Variants in SMAD3 observed in about 807,000 individuals in gnomAD.
SMAD3 encodes MAD homolog 3.
Under a neutral mutation model 51.8 loss-of-function variants are expected in SMAD3, and 12 were observed. That is an observed-to-expected ratio of 0.23 (90% CI 0.15 to 0.38). SMAD3 has a LOEUF of 0.38. Ranked by LOEUF, SMAD3 falls within the 10% of genes least tolerant of loss-of-function variation. The pLI, the probability that SMAD3 is intolerant of heterozygous loss-of-function variation, is 1.00. For synonymous variants in SMAD3, 238 were observed against 227.7 expected (o/e 1.05, Z -0.41); for missense variants, 294 against 565.6 (o/e 0.52, Z 4.87).
intron 1 of SMAD3, among the ~76,000 whole-genome samples, chr15:67,067,539 C>T (rs1214491585): frequency 2.0e-5 from 3 of 152,172 alleles, no homozygotes; most frequent in Admixed American, 6.5e-5. Context: ...GGATTGTCAT[C>T]CCTGCTCCTG....
chr15:67,136,109 AG>A (rs1482539562), intron 1 of SMAD3, among the ~76,000 whole-genome samples: 3 of 152,258 alleles, frequency 2.0e-5, no homozygotes, highest in Non-Finnish European at 4.4e-5. Context: ...TGGGAAAAGA[AG>A]GCTGAATATC....
chr15:67,166,632 A>G, intron 3 of SMAD3, 147 bp from the exon 4 acceptor site: 1 of 705,708 alleles, frequency 1.4e-6, no homozygotes, highest in Non-Finnish European at 2.6e-6. Flanking sequence ...AACAGAACCA[A>G]GAGCTGGAAC....
chr15:67,172,585 T>C (rs1185946748), intron 5 of SMAD3, among the ~76,000 whole-genome samples: 1 of 152,248 alleles, frequency 6.6e-6, no homozygotes, highest in Non-Finnish European at 1.5e-5. Flanking sequence ...TGTTTACTGT[T>C]ATTCGGAGTG....
At chr15:67,074,882 G>A (rs1595886221) in intron 1 of SMAD3, among the ~76,000 whole-genome samples, 1 of 152,138 alleles carries the variant, frequency 6.6e-6, no homozygotes, top group South Asian at 2.1e-4. Flanking sequence ...TAGAGATGGG[G>A]TAGGACTCCA....
chr15:67,157,867 C>T (rs1268184121), intron 1 of SMAD3, among the ~76,000 whole-genome samples: 1 of 152,176 alleles, frequency 6.6e-6, no homozygotes, highest in Non-Finnish European at 1.5e-5. Context: ...TTTCCTGCCA[C>T]AGGAAATTGT....
Position 67,066,061 on chromosome 15 carries a change from A to T in SMAD3, c.-94A>T. 2.6e-6 allele frequency: 2 copies of T among 767,826 alleles called. No homozygotes were observed. Among genetic ancestry groups the T allele is most frequent in the Non-Finnish European group, 3.8e-6 (2 of 532,934 alleles). The allele number at this position is 767,826 out of a possible 1,614,324, so 47.6% of individuals were successfully genotyped here. On this transcript the variant is annotated 5_prime_UTR_variant, in exon 1 of 9. Transcript: ENST00000327367. Reference sequence around the variant, plus strand: ...GAGGCGAAGTTTGGGCGACCGCGGCAGGCCCCGGCCGAGCTCCCCTCTGCG... The same window carrying T: ...GAGGCGAAGTTTGGGCGACCGCGGCTGGCCCCGGCCGAGCTCCCCTCTGCG...
chr15:67,134,367 A>C (rs928671641), intron 1 of SMAD3, among the ~76,000 whole-genome samples: 4 of 152,168 alleles, frequency 2.6e-5, no homozygotes, highest in African/African-American at 9.7e-5. Flanking sequence ...TTAAGATGCC[A>C]TCCAGCCATC....
At chr15:67,068,488 A>T (rs2140191584) in intron 1 of SMAD3, among the ~76,000 whole-genome samples, 1 of 152,296 alleles carries the variant, frequency 6.6e-6, no homozygotes, top group East Asian at 1.9e-4. Flanking sequence ...CCTCTTCCAA[A>T]GTCCTGCTGA....
At chr15:67,079,621 C>T (rs1960240562) in intron 1 of SMAD3, among the ~76,000 whole-genome samples, 1 of 152,146 alleles carries the variant, frequency 6.6e-6, no homozygotes, top group African/African-American at 2.4e-5. Flanking sequence ...CAACTGCATG[C>T]TGAGTGTATG....
At chr15:67,179,175 A>G (rs1336288291) in intron 5 of SMAD3, among the ~76,000 whole-genome samples, 1 of 152,198 alleles carries the variant, frequency 6.6e-6, no homozygotes, top group Non-Finnish European at 1.5e-5. Context: ...TGCCTGAGCC[A>G]AGATTGACCT....
intron 1 of SMAD3, among the ~76,000 whole-genome samples, chr15:67,076,736 A>G (rs1209556380): frequency 1.3e-5 from 2 of 152,150 alleles, no homozygotes; most frequent in Non-Finnish European, 2.9e-5. Flanking sequence ...CTTTTTCCAG[A>G]TCATGCTCAG....
At chr15:67,069,713 G>GTTT (rs11400070) in intron 1 of SMAD3, among the ~76,000 whole-genome samples, 82 of 149,326 alleles carry the variant, frequency 5.5e-4, no homozygotes, top group Non-Finnish European at 9.8e-4. Flanking sequence ...TGAATCTGAT[G>GTTT]TTTTTTTTTT....
At chr15:67,123,371 C>T (rs150511805) in intron 1 of SMAD3, among the ~76,000 whole-genome samples, 1,935 of 151,580 alleles carry the variant, frequency 0.013, 16 homozygotes, top group Middle Eastern at 0.034. Flanking sequence ...TGGTGGCACA[C>T]GCCCGTAATC....
At chr15:67,180,304 G>T (rs981181515) in intron 5 of SMAD3, among the ~76,000 whole-genome samples, 16 of 152,102 alleles carry the variant, frequency 1.1e-4, no homozygotes, top group African/African-American at 3.9e-4. Flanking sequence ...GGAGGGCACA[G>T]TGCCAGGGCC....
chr15:67,174,737 G>A (rs1962843800), intron 5 of SMAD3, among the ~76,000 whole-genome samples: 1 of 152,166 alleles, frequency 6.6e-6, no homozygotes, highest in Admixed American at 6.5e-5. Context: ...GGAAAAAATG[G>A]GGACATCTCA....
chr15:67,153,421 T>C (rs1257766110), intron 1 of SMAD3, among the ~76,000 whole-genome samples: 1 of 142,634 alleles, frequency 7.0e-6, no homozygotes, highest in Non-Finnish European at 1.5e-5. Context: ...GAACTGGAGG[T>C]TGCAGTGAGC....
At chr15:67,080,642 G>A (rs144454544) in intron 1 of SMAD3, among the ~76,000 whole-genome samples, 2 of 152,362 alleles carry the variant, frequency 1.3e-5, no homozygotes, top group East Asian at 3.9e-4. Context: ...TGAAAGTTTA[G>A]TGGATAATCC....
intron 5 of SMAD3, among the ~76,000 whole-genome samples, chr15:67,178,214 A>G (rs1962958544): frequency 6.6e-6 from 1 of 152,144 alleles, no homozygotes; most frequent in Non-Finnish European, 1.5e-5. Context: ...AGGGTCCTTG[A>G]AGCCCACCCT....
chr15:67,104,545 AGTGAT>A (rs1306597250), intron 1 of SMAD3, among the ~76,000 whole-genome samples: 2 of 152,156 alleles, frequency 1.3e-5, no homozygotes, highest in Admixed American at 6.6e-5. Context: ...GCCCCCAGTA[AGTGAT>A]AAATATTCGT....
Sources: allele counts gnomAD v4.1 joint callset (sites outside exome capture counted in the v4.1 genomes callset), GRCh38; gene constraint gnomAD v4.1.1; transcripts MANE v1.5; gene names NCBI Gene and HGNC (gene_info 2026-07-23, HGNC 2026-07-21).